The following PCDHGA4 variants were observed in gnomAD, a reference collection of about 807,000 sequenced individuals.
The protein encoded by PCDHGA4 is protocadherin gamma-A4.
A neutral mutation model predicts 54.6 loss-of-function variants in PCDHGA4; 38 were observed. That is an observed-to-expected ratio of 0.70 (90% CI 0.54 to 0.91). The LOEUF is 0.91. Among genes scored for constraint, PCDHGA4 ranks in the 40% least tolerant of loss-of-function variants. The pLI, the probability that PCDHGA4 is intolerant of heterozygous loss-of-function variation, is 0.00. For missense variants in PCDHGA4, 1,298 were observed against 1,220.9 expected (o/e 1.06, Z -0.94); for synonymous variants, 511 against 512.9 (o/e 1.00, Z 0.05).
At chr5:141,472,017 T>C (rs2154571143) in intron 1 of PCDHGA4, among the ~76,000 whole-genome samples, 1 of 152,290 alleles carries the variant, frequency 6.6e-6, no homozygotes, top group South Asian at 2.1e-4. Context: ...GGGCACTATA[T>C]TGTATGTAGA....
At chr5:141,498,980 GGAAGGAA>G in intron 2 of PCDHGA4, among the ~76,000 whole-genome samples, 1 of 44,970 alleles carries the variant, frequency 2.2e-5, no homozygotes, top group South Asian at 1.0e-3. Context: ...AGGGAAGGAA[GGAAGGAA>G]GGAAGGAAGG....
intron 1 of PCDHGA4, chr5:141,391,782 T>C (rs2092421963): frequency 6.6e-6 from 1 of 152,222 alleles, no homozygotes; most frequent in African/African-American, 2.4e-5. Flanking sequence ...GTCATTACTT[T>C]TTGCAGTTTT....
chr5:141,358,546 G>T (rs1278401378), intron 1 of PCDHGA4, among the ~76,000 whole-genome samples: 1 of 152,144 alleles, frequency 6.6e-6, no homozygotes, highest in East Asian at 1.9e-4. Flanking sequence ...TCTTGTTGCT[G>T]TTCTGAGATG....
At chr5:141,375,010 T>G in intron 1 of PCDHGA4, 2 of 1,614,050 alleles carry the variant, frequency 1.2e-6, no homozygotes, top group Non-Finnish European at 1.7e-6. Flanking sequence ...ATCTAGACTA[T>G]GAGGACTCGA....
At chr5:141,462,781 G>C (rs893647456) in intron 1 of PCDHGA4, among the ~76,000 whole-genome samples, 1 of 152,102 alleles carries the variant, frequency 6.6e-6, no homozygotes, top group Non-Finnish European at 1.5e-5. Flanking sequence ...GTCATAATTT[G>C]TTGCTTATTT....
rs1239481973 is a variant in PCDHGA4 at position 141,491,585 on chromosome 5, C to G, written c.2515-3222C>G. On this transcript the variant is annotated intron_variant, in intron 1 of 3. Coordinates refer to ENST00000571252, the MANE Select transcript of PCDHGA4 (RefSeq NM_018917.4). The surrounding 1 kb of genome is among the most constrained non-coding windows in gnomAD (Gnocchi z 6.9). ...TACAGGACGTGCTTTTCACCGGCCT[C>G]GGACGGCAGTGACTTCACTTTTCTA... 6.2e-7 allele frequency: 1 copy of G among 1,613,964 alleles called. No individual in the cohort carries two copies.
chr5:141,476,783 G>C lies in PCDHGA4; in HGVS notation c.2515-18024G>C. ...GACGGCGTTGGACGGAGGGACCCCAGCTCTCTCCGCCAGCCTGCCTATTCA... is the reference window on the plus strand; with the variant it reads ...GACGGCGTTGGACGGAGGGACCCCACCTCTCTCCGCCAGCCTGCCTATTCA... On this transcript the variant is annotated intron_variant, in intron 1 of 3. Coordinates refer to ENST00000571252, the MANE Select transcript of PCDHGA4 (RefSeq NM_018917.4). This position sits in a 1 kb window ranked among gnomAD's most constrained non-coding sequence, Gnocchi z 7.6. The C allele has an allele frequency of 6.2e-7, 1 of 1,613,510 alleles. No homozygotes were observed. The highest frequency in any genetic ancestry group is 8.5e-7 in the Non-Finnish European group (1 of 1,180,030).
At chr5:141,405,442 C>A in intron 1 of PCDHGA4, 1 of 1,378,146 alleles carries the variant, frequency 7.3e-7, no homozygotes, top group Non-Finnish European at 1.0e-6. Context: ...GTTTTTGAGA[C>A]AGAGTCTTAC....
chr5:141,470,707 TA>T (rs1207543665), intron 1 of PCDHGA4, among the ~76,000 whole-genome samples: 1 of 152,164 alleles, frequency 6.6e-6, no homozygotes, highest in African/African-American at 2.4e-5. Flanking sequence ...ATTTTTATTT[TA>T]TTTTTTTGAG....
At chr5:141,414,888 C>T (rs1452402953) in intron 1 of PCDHGA4, 2 of 1,614,210 alleles carry the variant, frequency 1.2e-6, no homozygotes, top group Non-Finnish European at 1.7e-6. Flanking sequence ...ACCCCGCCCT[C>T]CCCACAGACG....
rs1207371456 is a variant in PCDHGA4 at position 141,487,371 on chromosome 5, G to A, written c.2515-7436G>A. On this transcript the variant is annotated intron_variant, in intron 1 of 3. Transcript: ENST00000571252. The surrounding 1 kb of genome is among the most constrained non-coding windows in gnomAD (Gnocchi z 5.0). ...TGCTTTCCTGCTGGCACCTGTGCCT[G>A]TCTCACCAGATCTCGAAGGAGGGAG... The A allele has an allele frequency of 4.3e-6, 7 of 1,614,076 alleles. No individual in the cohort carries two copies. In the Admixed American group the frequency reaches 5.0e-5, roughly 12 times the overall value.
At chr5:141,405,231 C>T in intron 1 of PCDHGA4, 2 of 1,614,130 alleles carry the variant, frequency 1.2e-6, no homozygotes, top group Non-Finnish European at 1.7e-6. Flanking sequence ...TTCTCCCTCA[C>T]CGCTGACTCA....
At chr5:141,443,547 T>C (rs1210940890) in intron 1 of PCDHGA4, among the ~76,000 whole-genome samples, 2 of 152,192 alleles carry the variant, frequency 1.3e-5, no homozygotes, top group Non-Finnish European at 2.9e-5. Context: ...TGGGAAATTG[T>C]TCCAATTCAA....
At position 141,476,873 on chromosome 5, in the gene PCDHGA4, G is replaced by C; in HGVS notation, c.2515-17934G>C. On this transcript the variant is annotated intron_variant, in intron 1 of 3. Coordinates refer to ENST00000571252, the MANE Select transcript of PCDHGA4 (RefSeq NM_018917.4). This position sits in a 1 kb window ranked among gnomAD's most constrained non-coding sequence, Gnocchi z 7.6. ...CAACCAGTCCTTGTACCGGGCGCGC[G>C]TCCTGGAGGATGCACCCTCCGGCAC... 1 of 1,613,936 alleles carries C rather than the reference G, an allele frequency of 6.2e-7. No homozygotes were observed. Among genetic ancestry groups the C allele is most frequent in the South Asian group, 1.1e-5 (1 of 91,088 alleles).
intron 1 of PCDHGA4, among the ~76,000 whole-genome samples, chr5:141,452,835 C>A (rs2098750110): frequency 6.6e-6 from 1 of 152,154 alleles, no homozygotes; most frequent in Admixed American, 6.5e-5. Flanking sequence ...TCACTTGGTC[C>A]AGCCCACACT....
chr5:141,394,818 C>T lies in PCDHGA4; in HGVS notation c.2514+37197C>T, dbSNP rs2093105005. On this transcript the variant is annotated intron_variant, in intron 1 of 3. Coordinates refer to ENST00000571252, the MANE Select transcript of PCDHGA4 (RefSeq NM_018917.4). Reference sequence around the variant, plus strand: ...CACCGTAGCCGTGGCTGACAGCATCCCCGAAGTCCTGACCGAGTTGGGCAG... The same window carrying T: ...CACCGTAGCCGTGGCTGACAGCATCTCCGAAGTCCTGACCGAGTTGGGCAG... The T allele has an allele frequency of 5.6e-6, 9 of 1,613,904 alleles. No individual in the cohort carries two copies. Among genetic ancestry groups the T allele is most frequent in the Non-Finnish European group, 7.6e-6 (9 of 1,180,012 alleles).
chr5:141,457,417 CT>C lies in PCDHGA4; in HGVS notation c.2515-37385del, dbSNP rs894846890. On this transcript the variant is annotated intron_variant, in intron 1 of 3. Transcript: ENST00000571252. ...ATTCACATTTTCACATTACCCATCC[CT>C]TTTTCCCCCCCACCAAGCTGCAGAA... Among the ~76,000 whole-genome samples, 3 of 152,296 alleles carry C rather than the reference CT, an allele frequency of 2.0e-5. No individual in the cohort carries two copies. In the South Asian group the frequency reaches 6.2e-4, roughly 32 times the overall value.
chr5:141,399,940 C>T lies in PCDHGA4; in HGVS notation c.2514+42319C>T, dbSNP rs374856105. On this transcript the variant is annotated intron_variant, in intron 1 of 3. Transcript: ENST00000571252. Reference sequence around the variant, plus strand: ...CAACGCCTGGCTGTCCTACCACGTGCTGCAGGCTAGCGAGCCCGGGCTCTT... The same window carrying T: ...CAACGCCTGGCTGTCCTACCACGTGTTGCAGGCTAGCGAGCCCGGGCTCTT... 4.8e-4 allele frequency: 772 copies of T among 1,612,360 alleles called. 1 individual carries two copies. In the African/African-American group the frequency reaches 9.6e-3, roughly 20 times the overall value.
intron 1 of PCDHGA4, chr5:141,403,102 G>A (rs765706858): frequency 9.3e-6 from 15 of 1,613,928 alleles, no homozygotes; most frequent in Non-Finnish European, 1.3e-5. Flanking sequence ...ACATCTCCAA[G>A]GACCTGGCTC....
Sources: gnomAD v4.1 joint callset for allele counts (sites outside exome capture counted in the v4.1 genomes callset) on GRCh38, gnomAD v4.1.1 for gene constraint, Gnocchi (gnomAD v3.1) non-coding constraint, MANE v1.5 for transcripts, NCBI Gene and HGNC (gene_info 2026-07-23, HGNC 2026-07-21) for gene names.